DCUN1D5: variants seen among roughly 807,000 people sequenced by gnomAD.
DCUN1D5 encodes DCN1-like protein 5.
DCUN1D5 carries 10 observed loss-of-function variants against 38.3 expected under a neutral mutation model. That is an observed-to-expected ratio of 0.26 (90% CI 0.16 to 0.44). The LOEUF is 0.44. Ranked by LOEUF, DCUN1D5 falls within the 20% of genes least tolerant of loss-of-function variation. The pLI is 1.00. For missense variants in DCUN1D5, 148 were observed against 275.3 expected (o/e 0.54, Z 3.27); for synonymous variants, 93 against 90.9 (o/e 1.02, Z -0.13).
At chr11:103,081,183 A>AT (rs1862555862) in intron 4 of DCUN1D5, among the ~76,000 whole-genome samples, 1 of 152,200 alleles carries the variant, frequency 6.6e-6, no homozygotes, top group African/African-American at 2.4e-5. Flanking sequence ...AAACTTTTAG[A>AT]TTTAAAAATA....
intron 4 of DCUN1D5, among the ~76,000 whole-genome samples, chr11:103,072,404 TTACTGGGCATA>T (rs1434123854): frequency 1.4e-5 from 2 of 145,578 alleles, no homozygotes; most frequent in East Asian, 2.0e-4. Flanking sequence ...AGCCATCCCA[TTACTGGGCATA>T]TACCCAAAGG....
chr11:103,070,561 C>T (rs1008080137), intron 4 of DCUN1D5, among the ~76,000 whole-genome samples: 3 of 152,020 alleles, frequency 2.0e-5, no homozygotes, highest in Admixed American at 2.0e-4. Context: ...AATAGAGCTG[C>T]AAAATGTGTG....
At position 103,089,296 on chromosome 11, in the gene DCUN1D5, CA is replaced by C. The variant is rs1187690970; in HGVS notation, c.108del (p.Ala37LeufsTer3). 1 of 1,610,060 alleles carries C rather than the reference CA, an allele frequency of 6.2e-7. No individual in the cohort carries two copies. The highest frequency in any genetic ancestry group is 8.5e-7 in the Non-Finnish European group (1 of 1,177,332). The stretch of plus-strand genomic sequence containing the variant: ...TGTTCCTCTCCACTTATTAGTCTAG[CA>C]GGGGGTTGGGATCTGCAATAGCTTA... ...KISSYCRSQP[P>X]ARLISGEEHF... On this transcript the variant is annotated frameshift_variant, in exon 2 of 8. Coordinates refer to ENST00000260247, the MANE Select transcript of DCUN1D5 (RefSeq NM_032299.4). LOFTEE classifies it high-confidence loss of function.
rs545061282 is a variant in DCUN1D5 at position 103,091,544 on chromosome 11, C to T, written c.86+243G>A. On this transcript the variant is annotated intron_variant, in intron 1 of 7. Coordinates refer to ENST00000260247, the MANE Select transcript of DCUN1D5 (RefSeq NM_032299.4). This position sits in a 1 kb window ranked among gnomAD's most constrained non-coding sequence, Gnocchi z 4.3. ...TGCATCTGTTCCCCACCCTGCAGGG[C>T]ACGTAGACTCTTAACGTGGGCGGCT... is the stretch of plus-strand genomic sequence containing the variant. 4.9e-4 allele frequency: 278 copies of T among 566,566 alleles called. 2 individuals carry two copies. The African/African-American group carries it at 5.0e-3, about 10-fold the overall frequency. 35.1% of individuals were successfully genotyped at this position (566,566 alleles called of 1,614,324 possible).
In DCUN1D5 at chr11:103,080,908, C is replaced by T. The variant is rs571358478; in HGVS notation, c.341+1840G>A. ...ACGCCCGTAGTCCCAGCTCGGGAGGCTGAGGCAGGAGAATCGCTTGAACCC... is the reference window on the plus strand; with the variant it reads ...ACGCCCGTAGTCCCAGCTCGGGAGGTTGAGGCAGGAGAATCGCTTGAACCC... On this transcript the variant is annotated intron_variant, in intron 4 of 7. Transcript: ENST00000260247. Among the ~76,000 whole-genome samples, 9 of 152,058 alleles carry T rather than the reference C, an allele frequency of 5.9e-5. No homozygotes were observed. In the East Asian group the frequency reaches 1.7e-3, roughly 29 times the overall value.
Position 103,078,021 on chromosome 11 carries a change from A to G in DCUN1D5, c.341+4727T>C, listed in dbSNP as rs1476722016. ...TCTTCCACCCCCACCAAAAAAAAAA[A>G]TCATATAAATGTTCCCTATTCCCCT... On this transcript the variant is annotated intron_variant, in intron 4 of 7. Coordinates refer to ENST00000260247, the MANE Select transcript of DCUN1D5 (RefSeq NM_032299.4). This position sits in a 1 kb window ranked among gnomAD's most constrained non-coding sequence, Gnocchi z 4.6. Among the ~76,000 whole-genome samples the G allele has an allele frequency of 2.6e-5, 4 of 152,158 alleles. No homozygotes were observed. Among genetic ancestry groups the G allele is most frequent in the Non-Finnish European group, 5.9e-5 (4 of 68,022 alleles).
At chr11:103,079,004 G>C (rs1258746655) in intron 4 of DCUN1D5, among the ~76,000 whole-genome samples, 2 of 152,168 alleles carry the variant, frequency 1.3e-5, no homozygotes, top group Non-Finnish European at 2.9e-5. Flanking sequence ...CCAGCCTGTG[G>C]CCTGTTAGAA....
rs188818922 is a variant in DCUN1D5, at chr11:103,091,086, G to A, written c.86+701C>T. On this transcript the variant is annotated intron_variant, in intron 1 of 7. Transcript: ENST00000260247. The surrounding 1 kb of genome is among the most constrained non-coding windows in gnomAD (Gnocchi z 4.3). ...TTCTTACCAGTAGGACAGAGTACAA[G>A]AGCTCACAAATTATTTAATTTATGC... Among the ~76,000 whole-genome samples, 663 of 152,216 alleles carry A rather than the reference G, an allele frequency of 4.4e-3. 4 individuals are homozygous for A. Among genetic ancestry groups the A allele is most frequent in the Non-Finnish European group, 6.4e-3 (435 of 68,016 alleles).
intron 4 of DCUN1D5, among the ~76,000 whole-genome samples, chr11:103,080,257 C>T (rs937327923): frequency 6.6e-6 from 1 of 151,988 alleles, no homozygotes; most frequent in Non-Finnish European, 1.5e-5. Context: ...GGTGAAATCA[C>T]AAAAGTATGA....
chr11:103,078,312 T>C lies in DCUN1D5; in HGVS notation c.341+4436A>G, dbSNP rs1862461470. ...AGCAGATATGAGAAAAGACCTCCAC[T>C]CTAGTACACTATGCCAGAACAAAAA... On this transcript the variant is annotated intron_variant, in intron 4 of 7. Coordinates refer to ENST00000260247, the MANE Select transcript of DCUN1D5 (RefSeq NM_032299.4). The surrounding 1 kb of genome is among the most constrained non-coding windows in gnomAD (Gnocchi z 4.6). 6.6e-6 allele frequency among the ~76,000 whole-genome samples: 1 copy of C among 152,164 alleles called. No individual in the cohort carries two copies. Among genetic ancestry groups the C allele is most frequent in the African/African-American group, 2.4e-5 (1 of 41,426 alleles).
rs1001686399 is a variant in DCUN1D5, at chr11:103,062,704, T to C, written c.659-290A>G. Among the ~76,000 whole-genome samples, 4 of 152,118 alleles carry C rather than the reference T, an allele frequency of 2.6e-5. No homozygotes were observed. The highest frequency in any genetic ancestry group is 4.4e-5 in the Non-Finnish European group (3 of 67,980). ...ATCTCTCCCTTTTTCTAAGTGTCCA[T>C]AGCATTCTGGCATTTAATTATGAAA... is the stretch of plus-strand genomic sequence containing the variant. On this transcript the variant is annotated intron_variant, in intron 7 of 7. Coordinates refer to ENST00000260247, the MANE Select transcript of DCUN1D5 (RefSeq NM_032299.4). The surrounding 1 kb of genome is among the most constrained non-coding windows in gnomAD (Gnocchi z 4.6).
chr11:103,061,778 T>A lies in DCUN1D5; in HGVS notation c.*581A>T, dbSNP rs919425524. Among the ~76,000 whole-genome samples, 1 of 152,062 alleles carries A rather than the reference T, an allele frequency of 6.6e-6. No individual in the cohort carries two copies. The highest frequency in any genetic ancestry group is 2.4e-5 in the African/African-American group (1 of 41,428). On this transcript the variant is annotated 3_prime_UTR_variant, in exon 8 of 8. Transcript: ENST00000260247. ...AGCTCTCTGAGATAAGACATCTGCA[T>A]AAGACCTTGGCAGCTTTTATAGAAA...
rs566438963 is a variant in DCUN1D5 at position 103,052,632 on chromosome 11, C to A, written c.*9727G>T. ...CTTCATTCTTGTATCTACTCCAAGT[C>A]TCTCTTGGTAGTTCTTACATATCAT... On this transcript the variant is annotated 3_prime_UTR_variant, in exon 8 of 8. Coordinates refer to ENST00000260247, the MANE Select transcript of DCUN1D5 (RefSeq NM_032299.4). The A allele has an allele frequency of 2.6e-5, 4 of 152,262 alleles. No homozygotes were observed. In the South Asian group the frequency reaches 8.3e-4, roughly 32 times the overall value. The allele number at this position is 152,262 out of a possible 1,614,324, so 9.4% of individuals were successfully genotyped here.
intron 1 of DCUN1D5, among the ~76,000 whole-genome samples, chr11:103,089,761 A>C (rs1862807375): frequency 6.6e-6 from 1 of 152,150 alleles, no homozygotes; most frequent in African/African-American, 2.4e-5. Context: ...TGTTATATTA[A>C]GAGTTGTTTT....
rs141012503 is a variant in DCUN1D5 at position 103,061,597 on chromosome 11, CA to C, written c.*761del. Among the ~76,000 whole-genome samples, 24,873 of 95,414 alleles carry C rather than the reference CA, an allele frequency of 0.26. 1,822 individuals carry two copies. The highest frequency in any genetic ancestry group is 0.32 in the Middle Eastern group (51 of 158). 62.6% of individuals were successfully genotyped at this position (95,414 alleles called of 152,430 possible). On this transcript the variant is annotated 3_prime_UTR_variant, in exon 8 of 8. Coordinates refer to ENST00000260247, the MANE Select transcript of DCUN1D5 (RefSeq NM_032299.4). ...TATCACAGCTAACGTTCTCTTAAGG[CA>C]AAAAAAAAAAAAAAAAGTGCTTTAA...
intron 1 of DCUN1D5, among the ~76,000 whole-genome samples, chr11:103,090,204 TTAAA>T (rs758975824): frequency 2.1e-4 from 32 of 152,298 alleles, no homozygotes; most frequent in Non-Finnish European, 8.8e-5. Context: ...TGTACTTAAC[TTAAA>T]TAATTTTAAT....
In DCUN1D5 at chr11:103,078,470, A is replaced by C. The variant is rs532358171; in HGVS notation, c.341+4278T>G. ...AATGGGAACGAGGTCCATAGTTCTC[A>C]TAAGACTCTCAAAAGAGACTGTGAC... On this transcript the variant is annotated intron_variant, in intron 4 of 7. Transcript: ENST00000260247. The surrounding 1 kb of genome is among the most constrained non-coding windows in gnomAD (Gnocchi z 4.6). Among the ~76,000 whole-genome samples, 7 of 152,348 alleles carry C rather than the reference A, an allele frequency of 4.6e-5. No homozygotes were observed. Among genetic ancestry groups the C allele is most frequent in the African/African-American group, 1.7e-4 (7 of 41,582 alleles).
chr11:103,078,374 G>T lies in DCUN1D5; in HGVS notation c.341+4374C>A, dbSNP rs915930733. ...TCCTTGAAACCTCGTATCTATAGACGAAGGAAGAGAAATTCCATAACCTCC... is the reference window on the plus strand; with the variant it reads ...TCCTTGAAACCTCGTATCTATAGACTAAGGAAGAGAAATTCCATAACCTCC... On this transcript the variant is annotated intron_variant, in intron 4 of 7. Coordinates refer to ENST00000260247, the MANE Select transcript of DCUN1D5 (RefSeq NM_032299.4). The surrounding 1 kb of genome is among the most constrained non-coding windows in gnomAD (Gnocchi z 4.6). Among the ~76,000 whole-genome samples the T allele has an allele frequency of 6.6e-6, 1 of 152,196 alleles. No individual in the cohort carries two copies. The highest frequency in any genetic ancestry group is 1.5e-5 in the Non-Finnish European group (1 of 68,028).
In DCUN1D5 at chr11:103,053,123, CTTTTTAT is replaced by C. The variant is rs574779976; in HGVS notation, c.*9229_*9235del. On this transcript the variant is annotated 3_prime_UTR_variant, in exon 8 of 8. Coordinates refer to ENST00000260247, the MANE Select transcript of DCUN1D5 (RefSeq NM_032299.4). The surrounding 1 kb of genome is among the most constrained non-coding windows in gnomAD (Gnocchi z 4.8). ...GTAATAAGACATCATAGAATTTTGG[CTTTTTAT>C]TTTTTAATATTTCTCTTTTTTAAAA... The C allele has an allele frequency of 1.6e-3, 241 of 152,080 alleles. 1 individual carries two copies. Among genetic ancestry groups the C allele is most frequent in the African/African-American group, 5.7e-3 (235 of 41,528 alleles). The allele number at this position is 152,080 out of a possible 1,614,324, so 9.4% of individuals were successfully genotyped here.
Sources: gnomAD v4.1 joint callset for allele counts (sites outside exome capture counted in the v4.1 genomes callset) on GRCh38, gnomAD v4.1.1 for gene constraint, Gnocchi (gnomAD v3.1) non-coding constraint, MANE v1.5 for transcripts, NCBI Gene and HGNC (gene_info 2026-07-23, HGNC 2026-07-21) for gene names.